Variants in RBBP5 observed in about 807,000 individuals in gnomAD.
RBBP5 encodes RB binding protein 5, histone lysine methyltransferase complex subunit.
Under a neutral mutation model 72.2 loss-of-function variants are expected in RBBP5, and 5 were observed. The observed-to-expected ratio is 0.07, with a 90% CI of 0.04 to 0.15. The LOEUF (loss-of-function observed/expected upper bound fraction) is 0.15, where lower values mean the gene tolerates loss of function less well. Among genes scored for constraint, RBBP5 ranks in the 10% least tolerant of loss-of-function variants. The pLI, the probability that RBBP5 is intolerant of heterozygous loss-of-function variation, is 1.00. For synonymous variants in RBBP5, 209 were observed against 237.2 expected (o/e 0.88, Z 1.09); for missense variants, 322 against 652.2 (o/e 0.49, Z 5.51).
At chr1:205,121,730 A>T in intron 1 of RBBP5, 125 bp downstream of exon 1, 1 of 1,458,772 alleles carries the variant, frequency 6.9e-7, no homozygotes. Flanking sequence ...GCTCCACATC[A>T]GGTGTGCCCA....
At chr1:205,113,031 G>A (rs1345750926) in intron 3 of RBBP5, among the ~76,000 whole-genome samples, 1 of 152,092 alleles carries the variant, frequency 6.6e-6, no homozygotes, top group African/African-American at 2.4e-5. Flanking sequence ...AGGATCACTT[G>A]AGCCTGGGAT....
Position 205,107,087 on chromosome 1 carries a change from T to TACAC in RBBP5, c.219-1923_219-1920dup, listed in dbSNP as rs140160270. On this transcript the variant is annotated intron_variant, in intron 3 of 13. Coordinates refer to ENST00000264515, the MANE Select transcript of RBBP5 (RefSeq NM_005057.4). ...GTGTGTGTGTATACATATATATATA[T>TACAC]ACACACACACACACATATGTATCTA... 1.5e-4 allele frequency among the ~76,000 whole-genome samples: 22 copies of TACAC among 149,862 alleles called. 1 individual carries two copies. The highest frequency in any genetic ancestry group is 4.2e-4 in the South Asian group (2 of 4,772).
chr1:205,109,943 A>G (rs933541876), intron 3 of RBBP5, among the ~76,000 whole-genome samples: 1 of 152,078 alleles, frequency 6.6e-6, no homozygotes, highest in Non-Finnish European at 1.5e-5. Context: ...TCCCACCCAC[A>G]GCACCTCTGC....
chr1:205,115,491 T>C (rs1656483911), intron 2 of RBBP5, among the ~76,000 whole-genome samples: 1 of 152,208 alleles, frequency 6.6e-6, no homozygotes, highest in African/African-American at 2.4e-5. Context: ...AAAATAGTTT[T>C]ACAATTAAAA....
chr1:205,095,337 C>T (rs1390138709), intron 12 of RBBP5, among the ~76,000 whole-genome samples: 2 of 149,752 alleles, frequency 1.3e-5, no homozygotes, highest in Non-Finnish European at 3.0e-5. Context: ...TGTGGCCCAA[C>T]ACAAATTCAT....
rs1655204451 is a variant in RBBP5, at chr1:205,088,207, GC to G, written c.*579del. On this transcript the variant is annotated 3_prime_UTR_variant, in exon 14 of 14. Transcript: ENST00000264515. ...AAACGTGGTATGAGAGGAAGAGAGG[GC>G]CTTCGTTGTTCCCTTTCTGAAAATT... is the stretch of plus-strand genomic sequence containing the variant. 6.6e-6 allele frequency: 1 copy of G among 152,394 alleles called. No individual in the cohort carries two copies. Among genetic ancestry groups the G allele is most frequent in the Middle Eastern group, 3.4e-3 (1 of 296 alleles). 9.4% of individuals were successfully genotyped at this position (152,394 alleles called of 1,614,324 possible).
chr1:205,117,543 C>T (rs890529839), intron 1 of RBBP5, among the ~76,000 whole-genome samples: 34 of 151,610 alleles, frequency 2.2e-4, no homozygotes, highest in Admixed American at 1.5e-3. Flanking sequence ...GCCTGTAATC[C>T]CAGCTACTCC....
At position 205,095,070 on chromosome 1, in the gene RBBP5, GGACA is replaced by G. The variant is rs529045298; in HGVS notation, c.1397-10_1397-7del. The G allele has an allele frequency of 2.0e-4, 328 of 1,613,760 alleles. 2 individuals are homozygous for G. The African/African-American group carries it at 3.7e-3, about 18-fold the overall frequency. ...ACCCAGTAGTGGATGGACTTCTGTA[GGACA>G]GACAGGCATGGAAAGGAATCCACAT... On this transcript the variant is annotated splice_region_variant and splice_polypyrimidine_tract_variant and intron_variant, in intron 12 of 13. Transcript: ENST00000264515.
At position 205,114,954 on chromosome 1, in the gene RBBP5, T is replaced by C; in HGVS notation, c.53A>G (p.Asp18Gly). ...SFGQNYPEEA[D>G]GTLDCISMAL... ...CATGCTGATACAATCCAAAGTTCCA[T>C]CAGCTTCCTAAAAATTGAAACAAAT... Residue 18 changes from aspartate (D) to glycine (G), a missense_variant, in exon 3 of 14, where the codon GAT (aspartate) becomes GGT (glycine). Transcript: ENST00000264515. 1 of 1,588,988 alleles carries C rather than the reference T, an allele frequency of 6.3e-7. No individual in the cohort carries two copies. The highest frequency in any genetic ancestry group is 8.6e-7 in the Non-Finnish European group (1 of 1,165,236).
At chr1:205,116,030 C>A in intron 1 of RBBP5, 147 bp from the exon 2 acceptor site, 1 of 1,519,482 alleles carries the variant, frequency 6.6e-7, no homozygotes, top group Non-Finnish European at 9.0e-7. Context: ...TACGGATTTT[C>A]AAGATCCTGC....
chr1:205,121,820 A>G lies in RBBP5; in HGVS notation c.19+35T>C, dbSNP rs772299737. 4.7e-5 allele frequency: 76 copies of G among 1,612,048 alleles called. No individual in the cohort carries two copies. The East Asian group carries it at 1.2e-3, about 26-fold the overall frequency. On this transcript the variant is annotated intron_variant, in intron 1 of 13. Transcript: ENST00000264515. The stretch of plus-strand genomic sequence containing the variant: ...TGGGTTCCCTCCTTTCCAGTACCCA[A>G]CGCTTCTCTAAAACGCAGCCACAGC...
At chr1:205,104,926 G>A in intron 4 of RBBP5, 102 bp downstream of exon 4, 1 of 1,281,004 alleles carries the variant, frequency 7.8e-7, no homozygotes, top group Non-Finnish European at 1.1e-6. Flanking sequence ...TTGAAGAGAT[G>A]TGTATTTGCC....
Position 205,096,718 on chromosome 1 carries a change from T to C in RBBP5, c.1360A>G (p.Thr454Ala). The C allele has an allele frequency of 6.2e-7, 1 of 1,614,176 alleles. No individual in the cohort carries two copies. The highest frequency in any genetic ancestry group is 1.1e-5 in the South Asian group (1 of 91,080). ...ACTCCTTGAAGTTCTATATTGGTTG[T>C]TTTGGGTTTCTTCTTAGGTGGCTGG... ...GSQPPKKKPKTTNIELQGVPN... is the reference protein window; with the variant it reads ...GSQPPKKKPKATNIELQGVPN... The change falls in exon 12 of 14, where the codon ACA becomes GCA. Residue 454 changes from threonine to alanine, a missense_variant. Around this residue, in one of 6 missense-constraint regions of RBBP5, gnomAD observed 109 missense variants for 146.3 expected, o/e 0.75. Transcript: ENST00000264515.
At chr1:205,116,062 A>C in intron 1 of RBBP5, 179 bp from the exon 2 acceptor site, 139 of 1,286,450 alleles carry the variant, frequency 1.1e-4, no homozygotes, top group Non-Finnish European at 1.4e-4. Flanking sequence ...GTTTACTCTC[A>C]TTATCTCGGA....
At chr1:205,110,484 G>A (rs1290403213) in intron 3 of RBBP5, among the ~76,000 whole-genome samples, 3 of 152,180 alleles carry the variant, frequency 2.0e-5, no homozygotes, top group South Asian at 4.1e-4. Context: ...TATGATGCAT[G>A]TATACTGTGC....
intron 1 of RBBP5, among the ~76,000 whole-genome samples, chr1:205,117,345 C>T (rs72757524): frequency 0.32 from 48,404 of 151,778 alleles, 9,156 homozygotes; most frequent in Non-Finnish European, 0.44. Flanking sequence ...TGAGCCACCA[C>T]GCCCGGCCTA....
chr1:205,105,310 C>T, intron 3 of RBBP5, 142 bp from the exon 4 acceptor site: 1 of 882,338 alleles, frequency 1.1e-6, no homozygotes, highest in Non-Finnish European at 1.7e-6. Context: ...TACTCAAATC[C>T]ATAAGCTTTT....
At chr1:205,115,807 A>G in intron 2 of RBBP5, 51 bp downstream of exon 2, 1 of 1,511,878 alleles carries the variant, frequency 6.6e-7, no homozygotes, top group South Asian at 1.3e-5. Context: ...TCTAACATAA[A>G]CACCCAGAAG....
chr1:205,090,568 G>A (rs1049259492), intron 13 of RBBP5, among the ~76,000 whole-genome samples: 1 of 152,194 alleles, frequency 6.6e-6, no homozygotes, highest in Non-Finnish European at 1.5e-5. Flanking sequence ...TAGCAATATA[G>A]AAGACTCCAG....
Sources: gnomAD v4.1 joint callset for allele counts (sites outside exome capture counted in the v4.1 genomes callset) on GRCh38, gnomAD v4.1.1 for gene constraint, gnomAD v4.1.1 regional missense constraint, MANE v1.5 for transcripts, NCBI Gene and HGNC (gene_info 2026-07-23, HGNC 2026-07-21) for gene names.